KCNIP4: variants seen among roughly 807,000 people sequenced by gnomAD.
KCNIP4 encodes potassium voltage-gated channel interacting protein 4.
In KCNIP4, 12 loss-of-function variants were observed where a neutral mutation model predicts 34.0. The ratio of observed to expected loss-of-function variants is 0.35; its 90% confidence interval spans 0.23 to 0.57. KCNIP4 has a LOEUF of 0.57. Ranked by LOEUF, KCNIP4 falls within the 20% of genes least tolerant of loss-of-function variation. The pLI is 0.83. For missense variants in KCNIP4, 238 were observed against 311.7 expected (o/e 0.76, Z 1.78); for synonymous variants, 124 against 102.2 (o/e 1.21, Z -1.29).
intron 1 of KCNIP4, among the ~76,000 whole-genome samples, chr4:21,158,173 C>G (rs2109267918): frequency 6.6e-6 from 1 of 152,236 alleles, no homozygotes; most frequent in East Asian, 1.9e-4. Flanking sequence ...TAAAAAATTT[C>G]TCACAAGGAA....
chr4:21,283,954 C>T (rs957462078), intron 1 of KCNIP4, among the ~76,000 whole-genome samples: 1 of 152,044 alleles, frequency 6.6e-6, no homozygotes, highest in Non-Finnish European at 1.5e-5. Context: ...TGGCTCACAC[C>T]TGTAATCCCA....
chr4:21,899,848 A>T (rs2108966328), intron 1 of KCNIP4, among the ~76,000 whole-genome samples: 1 of 152,312 alleles, frequency 6.6e-6, no homozygotes, highest in South Asian at 2.1e-4. Flanking sequence ...CACTATTGTT[A>T]AAATGTCTAT....
chr4:21,224,293 C>G lies in KCNIP4; in HGVS notation c.62-341584G>C, dbSNP rs1022422813. Among the ~76,000 whole-genome samples, 9 of 152,108 alleles carry G rather than the reference C, an allele frequency of 5.9e-5. No homozygotes were observed. In the East Asian group the frequency reaches 1.4e-3, roughly 23 times the overall value. ...TTCTGTGTCTGGTGAGGGCCTGCTT[C>G]CTGTCTTGTAGACAGCCATCTTCTT... On this transcript the variant is annotated intron_variant, in intron 1 of 8. Transcript: ENST00000382152.
chr4:21,844,373 T>C (rs1723877395), intron 1 of KCNIP4: 1 of 152,000 alleles, frequency 6.6e-6, no homozygotes, highest in Non-Finnish European at 1.5e-5. Context: ...TGGGTAGAAT[T>C]TATAAACGTA....
chr4:21,083,501 G>A (rs901196314), intron 1 of KCNIP4, among the ~76,000 whole-genome samples: 3 of 151,750 alleles, frequency 2.0e-5, no homozygotes, highest in Admixed American at 6.6e-5. Context: ...CCCTTTAAAA[G>A]GGAGGGAGAT....
At chr4:21,867,841 C>T (rs1248451841) in intron 1 of KCNIP4, among the ~76,000 whole-genome samples, 1 of 152,106 alleles carries the variant, frequency 6.6e-6, no homozygotes, top group East Asian at 1.9e-4. Context: ...TCACAGTGAG[C>T]CAATAAAACA....
intron 1 of KCNIP4, among the ~76,000 whole-genome samples, chr4:21,745,238 C>T (rs1162632499): frequency 6.6e-6 from 1 of 152,116 alleles, no homozygotes; most frequent in Non-Finnish European, 1.5e-5. Context: ...CAAGAAAAAA[C>T]AGAGGAAAAT....
chr4:21,387,402 G>A lies in KCNIP4; in HGVS notation c.62-504693C>T, dbSNP rs190943777. Reference sequence around the variant, plus strand: ...CAGATTTCAGGTGTGCTTAATTGCAGTATTAACTTCTTTACCAAGGTCTCC... The same window carrying A: ...CAGATTTCAGGTGTGCTTAATTGCAATATTAACTTCTTTACCAAGGTCTCC... On this transcript the variant is annotated intron_variant, in intron 1 of 8. Transcript: ENST00000382152. Among the ~76,000 whole-genome samples the A allele has an allele frequency of 5.5e-4, 83 of 152,222 alleles. 1 individual carries two copies. The highest frequency in any genetic ancestry group is 4.7e-4 in the Non-Finnish European group (32 of 68,004).
At chr4:21,486,829 G>A (rs544246626) in intron 1 of KCNIP4, among the ~76,000 whole-genome samples, 1 of 149,206 alleles carries the variant, frequency 6.7e-6, no homozygotes, top group Non-Finnish European at 1.5e-5. Context: ...TTTTGAGATG[G>A]AGTTTTGCTC....
intron 1 of KCNIP4, among the ~76,000 whole-genome samples, chr4:21,280,196 G>A (rs186404803): frequency 3.3e-5 from 5 of 152,248 alleles, no homozygotes; most frequent in Admixed American, 1.3e-4. Context: ...TGATGCAAAA[G>A]AAGGATTTTG....
intron 1 of KCNIP4, among the ~76,000 whole-genome samples, chr4:21,879,717 T>C (rs1307922585): frequency 6.6e-6 from 1 of 152,172 alleles, no homozygotes. Context: ...ATTATTTTTA[T>C]TTTTATATAA....
intron 1 of KCNIP4, among the ~76,000 whole-genome samples, chr4:21,606,472 G>T (rs1316339707): frequency 6.6e-6 from 1 of 152,284 alleles, no homozygotes; most frequent in East Asian, 1.9e-4. Context: ...TAGCTCTAGA[G>T]GTCAGAAGTC....
chr4:20,942,853 G>T (rs1280546001), intron 1 of KCNIP4, among the ~76,000 whole-genome samples: 2 of 151,882 alleles, frequency 1.3e-5, no homozygotes, highest in African/African-American at 4.8e-5. Flanking sequence ...TGTATTTTTA[G>T]TAGAGACGGG....
At chr4:21,567,781 T>C (rs886550993) in intron 1 of KCNIP4, among the ~76,000 whole-genome samples, 3 of 152,142 alleles carry the variant, frequency 2.0e-5, no homozygotes, top group Non-Finnish European at 4.4e-5. Flanking sequence ...AGTTACTTTG[T>C]AGTCACGACA....
intron 5 of KCNIP4, among the ~76,000 whole-genome samples, chr4:20,735,200 T>C (rs1749293546): frequency 6.6e-6 from 1 of 152,202 alleles, no homozygotes; most frequent in East Asian, 1.9e-4. Context: ...ATAATTTACA[T>C]GTGGACAGTG....
intron 3 of KCNIP4, among the ~76,000 whole-genome samples, chr4:20,837,602 ATTAT>A (rs894375163): frequency 6.7e-6 from 1 of 149,032 alleles, no homozygotes; most frequent in African/African-American, 2.5e-5. Context: ...AACTTGAAAA[ATTAT>A]TTATTGAGTT....
chr4:21,832,889 T>C (rs969489706), intron 1 of KCNIP4, among the ~76,000 whole-genome samples: 2 of 151,388 alleles, frequency 1.3e-5, no homozygotes, highest in South Asian at 2.1e-4. Flanking sequence ...TGATTTCCAA[T>C]TTCATCCATG....
chr4:21,762,607 G>C (rs774987512), intron 1 of KCNIP4, among the ~76,000 whole-genome samples: 1 of 152,106 alleles, frequency 6.6e-6, no homozygotes, highest in African/African-American at 2.4e-5. Context: ...CAAGGGTACT[G>C]TTCCTCATCT....
chr4:21,473,431 G>C (rs1340753377), intron 1 of KCNIP4, among the ~76,000 whole-genome samples: 2 of 152,044 alleles, frequency 1.3e-5, no homozygotes, highest in African/African-American at 4.8e-5. Context: ...TTCCTGGAGA[G>C]GCTGTAAAAC....
Sources: allele counts gnomAD v4.1 joint callset (sites outside exome capture counted in the v4.1 genomes callset), GRCh38; gene constraint gnomAD v4.1.1; transcripts MANE v1.5; gene names NCBI Gene and HGNC (gene_info 2026-07-23, HGNC 2026-07-21).